Variants in CHODL observed in about 807,000 individuals in gnomAD.
CHODL encodes transmembrane protein MT75.
Under a neutral mutation model 34.5 loss-of-function variants are expected in CHODL, and 29 were observed. That is an observed-to-expected ratio of 0.84 (90% CI 0.63 to 1.15). The LOEUF is 1.15. Among genes scored for constraint, CHODL ranks in the 50% most tolerant of loss-of-function variants. The probability of loss-of-function intolerance (pLI) is 0.00; values close to 1 mark genes in which losing one functional copy is unlikely to be tolerated. For missense variants in CHODL, 332 were observed against 332.5 expected, an observed-to-expected ratio of 1.00 and a Z score of 0.01; for synonymous variants, 125 against 116.1, an observed-to-expected ratio of 1.08 and a Z score of -0.49.
intron 2 of CHODL, among the ~76,000 whole-genome samples, chr21:18,119,418 C>T (rs2065452735): frequency 6.6e-6 from 1 of 152,204 alleles, no homozygotes; most frequent in East Asian, 1.9e-4. Flanking sequence ...GTGCAAACCT[C>T]ACAAGCTGCA....
chr21:18,087,438 A>G (rs2065021047), intron 2 of CHODL, among the ~76,000 whole-genome samples: 1 of 152,160 alleles, frequency 6.6e-6, no homozygotes, highest in Non-Finnish European at 1.5e-5. Context: ...CAAGAGATGG[A>G]AAGGCCCCTC....
At chr21:18,195,028 ATTATTTATTTATTTAT>A (rs56855621) in intron 2 of CHODL, among the ~76,000 whole-genome samples, 12 of 144,072 alleles carry the variant, frequency 8.3e-5, no homozygotes, top group East Asian at 2.0e-4. Flanking sequence ...AATACAATAC[ATTATTTATTTATTTAT>A]TTATTTATTT....
intron 2 of CHODL, among the ~76,000 whole-genome samples, chr21:18,113,511 C>T (rs949292762): frequency 6.6e-6 from 1 of 152,120 alleles, no homozygotes; most frequent in Non-Finnish European, 1.5e-5. Context: ...AAGAAACTTA[C>T]AATCATGGCA....
intron 2 of CHODL, among the ~76,000 whole-genome samples, chr21:18,047,340 A>C (rs529534501): frequency 6.6e-6 from 1 of 152,068 alleles, no homozygotes; most frequent in South Asian, 2.1e-4. Flanking sequence ...GAAATTATTT[A>C]ATGTGAAATG....
intron 2 of CHODL, among the ~76,000 whole-genome samples, chr21:18,047,475 T>C (rs965703571): frequency 2.6e-5 from 4 of 152,008 alleles, no homozygotes; most frequent in South Asian, 2.1e-4. Flanking sequence ...TCAATTCCTT[T>C]TTATGGCTTG....
At chr21:18,124,335 C>T (rs2065516784) in intron 2 of CHODL, among the ~76,000 whole-genome samples, 1 of 152,104 alleles carries the variant, frequency 6.6e-6, no homozygotes, top group South Asian at 2.1e-4. Flanking sequence ...CCTGCCACTC[C>T]CACCCACCAT....
chr21:18,079,538 C>G (rs1016952744), intron 2 of CHODL, among the ~76,000 whole-genome samples: 1 of 148,282 alleles, frequency 6.7e-6, no homozygotes, highest in Non-Finnish European at 1.5e-5. Context: ...TATATATATA[C>G]CATATGTATG....
chr21:18,069,694 G>A (rs2064772845), intron 2 of CHODL, among the ~76,000 whole-genome samples: 1 of 151,998 alleles, frequency 6.6e-6, no homozygotes, highest in East Asian at 1.9e-4. Context: ...CAAAGATGGT[G>A]GTAAAATTAC....
chr21:18,055,445 C>T (rs568170265), intron 2 of CHODL, among the ~76,000 whole-genome samples: 1 of 152,132 alleles, frequency 6.6e-6, no homozygotes, highest in African/African-American at 2.4e-5. Context: ...AAGGAGCAAT[C>T]TTCCACTACT....
chr21:18,026,749 T>C (rs2064179866), intron 1 of CHODL, among the ~76,000 whole-genome samples: 1 of 152,182 alleles, frequency 6.6e-6, no homozygotes, highest in Admixed American at 6.5e-5. Flanking sequence ...TGCAATCCAT[T>C]TGATTATCCT....
At chr21:17,946,038 G>C (rs1049136391) in intron 1 of CHODL, among the ~76,000 whole-genome samples, 1 of 151,990 alleles carries the variant, frequency 6.6e-6, no homozygotes, top group African/African-American at 2.4e-5. Context: ...GAGTTAGCAA[G>C]GTTGTTGAAT....
At chr21:17,982,351 A>G (rs1472892059) in intron 1 of CHODL, among the ~76,000 whole-genome samples, 1 of 152,172 alleles carries the variant, frequency 6.6e-6, no homozygotes, top group Non-Finnish European at 1.5e-5. Context: ...TTTCTTTATA[A>G]ATATCTAAAG....
chr21:18,123,374 A>G (rs17780089), intron 2 of CHODL, among the ~76,000 whole-genome samples: 5,381 of 152,290 alleles, frequency 0.035, 193 homozygotes, highest in East Asian at 0.16. Flanking sequence ...ACTAGGTGCA[A>G]TTTCTGCTTA....
chr21:18,143,172 G>T (rs185922263), intron 2 of CHODL, among the ~76,000 whole-genome samples: 1 of 152,146 alleles, frequency 6.6e-6, no homozygotes, highest in African/African-American at 2.4e-5. Context: ...TATAATATTT[G>T]TCAAGGCACG....
chr21:18,047,122 T>G (rs974696253), intron 2 of CHODL, among the ~76,000 whole-genome samples: 3 of 152,020 alleles, frequency 2.0e-5, no homozygotes, highest in African/African-American at 7.2e-5. Flanking sequence ...TACTTTAATC[T>G]TGGCTCAAAA....
At chr21:18,062,017 T>C (rs1452501628) in intron 2 of CHODL, among the ~76,000 whole-genome samples, 1 of 152,118 alleles carries the variant, frequency 6.6e-6, no homozygotes, top group Non-Finnish European at 1.5e-5. Flanking sequence ...AGGCCTGGAT[T>C]AAATCTGGTT....
At chr21:18,044,157 G>C (rs2064412152) in intron 2 of CHODL, among the ~76,000 whole-genome samples, 1 of 151,962 alleles carries the variant, frequency 6.6e-6, no homozygotes, top group South Asian at 2.1e-4. Context: ...TAATCAAGAA[G>C]TGAAATAAAA....
intron 1 of CHODL, among the ~76,000 whole-genome samples, chr21:18,025,020 C>T (rs1390834441): frequency 6.6e-6 from 1 of 152,124 alleles, no homozygotes. Flanking sequence ...TGATACCTTC[C>T]AGAACCAAAA....
chr21:18,048,689 A>G (rs2064475453), intron 2 of CHODL, among the ~76,000 whole-genome samples: 1 of 152,006 alleles, frequency 6.6e-6, no homozygotes, highest in South Asian at 2.1e-4. Flanking sequence ...AATGCTTTCA[A>G]TTGAGGAATA....
Sources: gnomAD v4.1 joint callset for allele counts (sites outside exome capture counted in the v4.1 genomes callset) on GRCh38, gnomAD v4.1.1 for gene constraint, MANE v1.5 for transcripts, NCBI Gene and HGNC (gene_info 2026-07-23, HGNC 2026-07-21) for gene names.